Variants in TRAPPC9 observed in about 807,000 individuals in gnomAD.
TRAPPC9 encodes trafficking protein particle complex subunit 9.
TRAPPC9 carries 83 observed loss-of-function variants against 124.0 expected under a neutral mutation model. The observed-to-expected ratio is 0.67, with a 90% CI of 0.56 to 0.80. TRAPPC9 has a LOEUF of 0.80. Ranked by LOEUF, TRAPPC9 falls within the 30% of genes least tolerant of loss-of-function variation. TRAPPC9 has a pLI of 0.00. For synonymous variants in TRAPPC9, 638 were observed against 617.5 expected, an observed-to-expected ratio of 1.03 and a Z score of -0.49; for missense variants, 1,302 against 1,508.3, an observed-to-expected ratio of 0.86 and a Z score of 2.27.
intron 14 of TRAPPC9, among the ~76,000 whole-genome samples, chr8:140,283,429 T>G (rs1421307360): frequency 3.3e-5 from 5 of 149,926 alleles, no homozygotes; most frequent in South Asian, 2.1e-4. Flanking sequence ...TGAGTAGCTG[T>G]GACTACAGGC....
At chr8:139,841,326 C>T (rs1826717212) in intron 21 of TRAPPC9, among the ~76,000 whole-genome samples, 1 of 152,164 alleles carries the variant, frequency 6.6e-6, no homozygotes, top group South Asian at 2.1e-4. Context: ...TGTAAGGTAC[C>T]ATATTTGCAG....
intron 19 of TRAPPC9, among the ~76,000 whole-genome samples, chr8:139,952,010 C>T (rs971956632): frequency 6.6e-6 from 1 of 152,186 alleles, no homozygotes; most frequent in African/African-American, 2.4e-5. Context: ...GATAAATTTT[C>T]TCTTCTAATT....
At chr8:140,236,257 A>G (rs1368583195) in intron 16 of TRAPPC9, among the ~76,000 whole-genome samples, 3 of 151,970 alleles carry the variant, frequency 2.0e-5, no homozygotes, top group African/African-American at 4.8e-5. Context: ...TAATTTTTAT[A>G]TTTTTAGCAG....
rs939879 is a variant in TRAPPC9 at position 140,412,495 on chromosome 8, G to A, written c.887-6797C>T. ...AGATAAAGGTATTGAATGCATCAAC[G>A]TTAAATTCTCTGATTTTAATCACTG... On this transcript the variant is annotated intron_variant, in intron 5 of 22. Transcript: ENST00000438773. 2.4e-3 allele frequency among the ~76,000 whole-genome samples: 364 copies of A among 152,204 alleles called. 8 individuals carry two copies. The East Asian group carries it at 0.039, about 16-fold the overall frequency.
chr8:139,754,681 C>A (rs1028963906), intron 21 of TRAPPC9, among the ~76,000 whole-genome samples: 3 of 152,242 alleles, frequency 2.0e-5, no homozygotes, highest in Non-Finnish European at 4.4e-5. Flanking sequence ...TCTGCTTCCT[C>A]CTCTCCTTCC....
intron 21 of TRAPPC9, among the ~76,000 whole-genome samples, chr8:139,783,507 A>G (rs1411406677): frequency 6.6e-6 from 1 of 152,252 alleles, no homozygotes; most frequent in Admixed American, 6.5e-5. Context: ...ATTCTTTAAT[A>G]TACCTACAAA....
intron 21 of TRAPPC9, among the ~76,000 whole-genome samples, chr8:139,840,453 T>G (rs942432064): frequency 2.0e-5 from 3 of 152,224 alleles, no homozygotes; most frequent in African/African-American, 7.2e-5. Context: ...AAAGGCACCA[T>G]GTGAACGGGG....
At chr8:140,060,733 G>C (rs1221463585) in intron 17 of TRAPPC9, among the ~76,000 whole-genome samples, 1 of 152,162 alleles carries the variant, frequency 6.6e-6, no homozygotes, top group East Asian at 1.9e-4. Flanking sequence ...AAGGATTAGG[G>C]GGAAGGATTT....
At chr8:139,736,281 T>A (rs1381969407) in intron 21 of TRAPPC9, among the ~76,000 whole-genome samples, 1 of 152,222 alleles carries the variant, frequency 6.6e-6, no homozygotes, top group Non-Finnish European at 1.5e-5. Flanking sequence ...TGCCCAGGGC[T>A]AGTTTGGCTT....
intron 17 of TRAPPC9, among the ~76,000 whole-genome samples, chr8:140,123,739 T>C (rs1587754579): frequency 6.6e-6 from 1 of 152,332 alleles, no homozygotes; most frequent in South Asian, 2.1e-4. Flanking sequence ...GTAAGAACAA[T>C]CGGTGTCTGT....
At chr8:139,991,008 G>A (rs925501046) in intron 18 of TRAPPC9, among the ~76,000 whole-genome samples, 2 of 152,156 alleles carry the variant, frequency 1.3e-5, no homozygotes, top group East Asian at 1.9e-4. Context: ...GAGGTTTGGC[G>A]CTTGGAAAAC....
At chr8:139,819,184 A>G (rs1362576108) in intron 21 of TRAPPC9, among the ~76,000 whole-genome samples, 1 of 152,206 alleles carries the variant, frequency 6.6e-6, no homozygotes, top group Non-Finnish European at 1.5e-5. Context: ...TGATGGATCT[A>G]GGCTGCGTGC....
chr8:139,781,086 T>A (rs1053879525), intron 21 of TRAPPC9, among the ~76,000 whole-genome samples: 45 of 152,294 alleles, frequency 3.0e-4, no homozygotes, highest in Admixed American at 1.2e-3. Flanking sequence ...TACAGCCACT[T>A]TGGAAGAGAG....
intron 18 of TRAPPC9, among the ~76,000 whole-genome samples, chr8:139,992,340 T>C (rs1228304821): frequency 1.3e-5 from 2 of 152,094 alleles, no homozygotes; most frequent in Non-Finnish European, 2.9e-5. Flanking sequence ...AAATTTTGTT[T>C]TTAGATTTTG....
rs116089833 is a variant in TRAPPC9, at chr8:139,813,927, T to C, written c.3055+71952A>G. On this transcript the variant is annotated intron_variant, in intron 21 of 22. Transcript: ENST00000438773. ...GGGCAGAGGGCTGCAGACAGGAATGTGGCTCACAGAAGACAGACCTCACAG... is the reference window on the plus strand; with the variant it reads ...GGGCAGAGGGCTGCAGACAGGAATGCGGCTCACAGAAGACAGACCTCACAG... 4.2e-3 allele frequency among the ~76,000 whole-genome samples: 639 copies of C among 152,188 alleles called. 3 individuals are homozygous for C. Among genetic ancestry groups the C allele is most frequent in the African/African-American group, 0.015 (616 of 41,538 alleles).
chr8:139,959,545 G>A (rs568438738), intron 19 of TRAPPC9, among the ~76,000 whole-genome samples: 2 of 152,312 alleles, frequency 1.3e-5, no homozygotes, highest in African/African-American at 4.8e-5. Context: ...GCCCTCTTAA[G>A]GAAGAGCACT....
intron 21 of TRAPPC9, among the ~76,000 whole-genome samples, chr8:139,790,939 C>G (rs980205803): frequency 6.6e-5 from 10 of 152,124 alleles, no homozygotes; most frequent in Non-Finnish European, 1.0e-4. Flanking sequence ...ACTTCCTCCT[C>G]CTTCTCTATT....
At chr8:140,218,502 G>C (rs966479112) in intron 17 of TRAPPC9, among the ~76,000 whole-genome samples, 8 of 151,792 alleles carry the variant, frequency 5.3e-5, no homozygotes, top group Admixed American at 5.2e-4. Flanking sequence ...TTTAGACAGG[G>C]GCTGGTTCCA....
chr8:140,049,086 G>GAACATCACTA (rs1841809334), intron 17 of TRAPPC9, among the ~76,000 whole-genome samples: 2 of 152,162 alleles, frequency 1.3e-5, no homozygotes, highest in Non-Finnish European at 2.9e-5. Flanking sequence ...GATTCCCCGC[G>GAACATCACTA]ATGACGGAAC....
Sources: gnomAD v4.1 joint callset for allele counts (sites outside exome capture counted in the v4.1 genomes callset) on GRCh38, gnomAD v4.1.1 for gene constraint, MANE v1.5 for transcripts, NCBI Gene and HGNC (gene_info 2026-07-23, HGNC 2026-07-21) for gene names.